The following JPH2 variants were observed in gnomAD, a reference collection of about 807,000 sequenced individuals.
JPH2 encodes the protein junctophilin 2, also known as junctophilin-2.
In JPH2, 38 loss-of-function variants were observed where a neutral mutation model predicts 55.9. That is an observed-to-expected ratio of 0.68 (90% CI 0.52 to 0.89). The LOEUF (loss-of-function observed/expected upper bound fraction) is 0.89. Ranked by LOEUF, JPH2 falls within the 40% of genes least tolerant of loss-of-function variation. The pLI, the probability that JPH2 is intolerant of heterozygous loss-of-function variation, is 0.00. For synonymous variants in JPH2, 480 were observed against 472.4 expected (o/e 1.02, Z -0.21); for missense variants, 964 against 1,037.6 (o/e 0.93, Z 0.97).
chr20:44,173,248 A>G (rs2072710742), intron 1 of JPH2, among the ~76,000 whole-genome samples: 1 of 152,188 alleles, frequency 6.6e-6, no homozygotes, highest in Non-Finnish European at 1.5e-5. Flanking sequence ...AGATAACATC[A>G]CTACTGTCAA....
intron 1 of JPH2, chr20:44,177,858 A>AT (rs2072747465): frequency 1.2e-6 from 2 of 1,609,230 alleles, no homozygotes; most frequent in South Asian, 2.2e-5. Context: ...TGGAATGTGA[A>AT]GGAAATACGG....
intron 2 of JPH2, among the ~76,000 whole-genome samples, chr20:44,143,463 G>A (rs902467279): frequency 4.6e-5 from 7 of 152,162 alleles, no homozygotes; most frequent in Admixed American, 6.5e-5. Flanking sequence ...ACCCTCTGCC[G>A]CTTGGGAAAC....
chr20:44,133,149 TG>T (rs1324895027), intron 2 of JPH2, among the ~76,000 whole-genome samples: 4 of 121,998 alleles, frequency 3.3e-5, no homozygotes, highest in African/African-American at 1.3e-4. Context: ...ACAGCTCCCA[TG>T]GCTGCTGGTC....
intron 2 of JPH2, among the ~76,000 whole-genome samples, chr20:44,123,097 G>A (rs1188857715): frequency 6.6e-6 from 1 of 152,152 alleles, no homozygotes; most frequent in East Asian, 1.9e-4. Flanking sequence ...AACAGGGGCG[G>A]CCACACAGCC....
Position 44,159,999 on chromosome 20 carries a change from G to A in JPH2, c.788C>T (p.Thr263Ile). 1 of 1,581,642 alleles carries A rather than the reference G, an allele frequency of 6.3e-7. No individual in the cohort carries two copies. Among genetic ancestry groups the A allele is most frequent in the Middle Eastern group, 1.7e-4 (1 of 6,020 alleles). Residue 263 changes from threonine to isoleucine, a missense_variant, in exon 2 of 6, where the codon ACC (threonine) becomes ATC (isoleucine). Thr to Ile is a moderately conservative substitution (Grantham distance 89). Transcript: ENST00000372980. The surrounding 1 kb of genome is among the most constrained non-coding windows in gnomAD (Gnocchi z 5.7). ...CTCGGCGGCCTCTCCCAGGCTGGCG[G>A]TGGACGCGGCGTCGCTGGCGCCCGA... ...LSSGASDAAS[T>I]ASLGEAAEGA...
At chr20:44,152,455 A>G (rs912898030) in intron 2 of JPH2, among the ~76,000 whole-genome samples, 3 of 152,202 alleles carry the variant, frequency 2.0e-5, no homozygotes, top group African/African-American at 7.2e-5. Context: ...GCAGGAGGAT[A>G]GCTTGAGCCA....
At chr20:44,129,178 C>A (rs2072297411) in intron 2 of JPH2, among the ~76,000 whole-genome samples, 1 of 152,184 alleles carries the variant, frequency 6.6e-6, no homozygotes, top group African/African-American at 2.4e-5. Flanking sequence ...AATCCCCCAG[C>A]CTCCAGCTGG....
intron 2 of JPH2, among the ~76,000 whole-genome samples, chr20:44,121,245 G>A (rs1472184059): frequency 1.3e-5 from 2 of 152,042 alleles, no homozygotes; most frequent in Admixed American, 6.5e-5. Context: ...AAGGGCATGT[G>A]CAAAGACTCT....
chr20:44,160,301 CGACG>C lies in JPH2; in HGVS notation c.482_485del (p.Thr161SerfsTer144). ...TGTGCTCGCTGCGCAGGGACGACAG[CGACG>C]TGCGCAGCGGCGAGCGCACCACCAC... On this transcript the variant is annotated frameshift_variant, in exon 2 of 6. Coordinates refer to ENST00000372980, the MANE Select transcript of JPH2 (RefSeq NM_020433.5). LOFTEE classifies it high-confidence loss of function. The surrounding 1 kb of genome is among the most constrained non-coding windows in gnomAD (Gnocchi z 4.9). The C allele has an allele frequency of 6.5e-7, 1 of 1,547,576 alleles. No homozygotes were observed. Among genetic ancestry groups the C allele is most frequent in the Non-Finnish European group, 8.7e-7 (1 of 1,147,838 alleles).
At chr20:44,129,570 C>CA (rs1286932645) in intron 2 of JPH2, among the ~76,000 whole-genome samples, 1 of 68,032 alleles carries the variant, frequency 1.5e-5, no homozygotes, top group African/African-American at 5.9e-5. Context: ...AAAAAAAAAA[C>CA]AAAAAAAACA....
intron 2 of JPH2, among the ~76,000 whole-genome samples, chr20:44,121,978 C>A (rs949123193): frequency 3.9e-5 from 6 of 152,120 alleles, no homozygotes; most frequent in Non-Finnish European, 7.3e-5. Flanking sequence ...GCCTGGGCAA[C>A]TGAGCAAGAC....
intron 2 of JPH2, among the ~76,000 whole-genome samples, chr20:44,140,179 AT>A (rs564020722): frequency 2.0e-5 from 3 of 151,186 alleles, no homozygotes; most frequent in Admixed American, 6.6e-5. Context: ...CCGAGATTTT[AT>A]TTTTTTTTAA....
intron 2 of JPH2, among the ~76,000 whole-genome samples, chr20:44,119,745 G>A (rs1243851590): frequency 6.6e-6 from 1 of 151,920 alleles, no homozygotes; most frequent in Admixed American, 6.6e-5. Flanking sequence ...ATGGTGGCGG[G>A]CGCCTGTAGT....
chr20:44,120,818 TC>T (rs1449042271), intron 2 of JPH2, among the ~76,000 whole-genome samples: 1 of 152,212 alleles, frequency 6.6e-6, no homozygotes, highest in Non-Finnish European at 1.5e-5. Flanking sequence ...TTCAAAGCTG[TC>T]CTGGGCTGCA....
At position 44,134,059 on chromosome 20, in the gene JPH2, TTATAAATA is replaced by T. The variant is rs1177918523; in HGVS notation, c.1170-15444_1170-15437del. Among the ~76,000 whole-genome samples, 9 of 25,018 alleles carry T rather than the reference TTATAAATA, an allele frequency of 3.6e-4. 3 individuals carry two copies. The highest frequency in any genetic ancestry group is 5.6e-4 in the Non-Finnish European group (9 of 15,964). The allele number at this position is 25,018 out of a possible 152,430, so 16.4% of individuals were successfully genotyped here. On this transcript the variant is annotated intron_variant, in intron 2 of 5. Coordinates refer to ENST00000372980, the MANE Select transcript of JPH2 (RefSeq NM_020433.5). ...ATATTTATATATAAATATATATTTA[TTATAAATA>T]TATAAATATATATTTATTATAAATA...
intron 1 of JPH2, among the ~76,000 whole-genome samples, chr20:44,174,029 T>C (rs1241878895): frequency 6.6e-6 from 1 of 152,208 alleles, no homozygotes; most frequent in African/African-American, 2.4e-5. Context: ...CAACTGACAT[T>C]GCTAATGGGT....
In JPH2 at chr20:44,116,205, C is replaced by A; in HGVS notation, c.1470G>T (p.Thr490=). The change falls in exon 4 of 6, where the codon ACG becomes ACT. Residue 490 remains threonine, a synonymous_variant. Transcript: ENST00000372980. Reference sequence around the variant, plus strand: ...GCCTGGGCCGCTTGGGCTGCGGGGGCGTCCCGGCCGGTGACGGGGAGCCAC... The same window carrying A: ...GCCTGGGCCGCTTGGGCTGCGGGGGAGTCCCGGCCGGTGACGGGGAGCCAC... ...PEGGSPSPAG[T]PPQPKRPRPG... 1 of 1,390,808 alleles carries A rather than the reference C, an allele frequency of 7.2e-7. No homozygotes were observed. The highest frequency in any genetic ancestry group is 9.2e-7 in the Non-Finnish European group (1 of 1,084,112). 86.2% of individuals were successfully genotyped at this position (1,390,808 alleles called of 1,614,324 possible).
Position 44,160,043 on chromosome 20 carries a change from G to T in JPH2, c.744C>A (p.Phe248Leu). 1 of 1,554,776 alleles carries T rather than the reference G, an allele frequency of 6.4e-7. No individual in the cohort carries two copies. The highest frequency in any genetic ancestry group is 8.6e-7 in the Non-Finnish European group (1 of 1,156,998). Residue 248 changes from phenylalanine to leucine, a missense_variant, in exon 2 of 6, where the codon TTC becomes TTA. Physicochemically the swap from Phe to Leu is conservative, Grantham distance 22 (BLOSUM62 0). Transcript: ENST00000372980. The surrounding 1 kb of genome is among the most constrained non-coding windows in gnomAD (Gnocchi z 4.9). ...SVGSQRSRVSFLKSDLSSGAS... is the reference protein window; with the variant it reads ...SVGSQRSRVSLLKSDLSSGAS... The stretch of plus-strand genomic sequence containing the variant: ...CGCCCGAGCTGAGGTCGCTCTTAAG[G>T]AAGCTGACACGGCTGCGCTGGCTAC...
chr20:44,181,872 A>G (rs1025507825), intron 1 of JPH2, among the ~76,000 whole-genome samples: 1 of 152,242 alleles, frequency 6.6e-6, no homozygotes, highest in Non-Finnish European at 1.5e-5. Flanking sequence ...GAACAGCAGG[A>G]CAATTTCCTG....
Sources: allele counts gnomAD v4.1 joint callset (sites outside exome capture counted in the v4.1 genomes callset), GRCh38; gene constraint gnomAD v4.1.1; non-coding constraint Gnocchi (gnomAD v3.1); transcripts MANE v1.5; gene names NCBI Gene and HGNC (gene_info 2026-07-23, HGNC 2026-07-21).